ATAD3A: variants seen among roughly 807,000 people sequenced by gnomAD.
The protein encoded by ATAD3A is ATPase family AAA domain-containing protein 3A.
In ATAD3A, 46 loss-of-function variants were observed where a neutral mutation model predicts 73.8. The observed-to-expected ratio is 0.62, with a 90% CI of 0.49 to 0.80. ATAD3A has a LOEUF of 0.80. ATAD3A is among the 30% of genes least tolerant of loss of function. The pLI is 0.00. For synonymous variants in ATAD3A, 319 were observed against 350.0 expected (o/e 0.91, Z 0.99); for missense variants, 705 against 838.0 (o/e 0.84, Z 1.96).
Position 1,523,146 on chromosome 1 carries a change from G to C in ATAD3A, c.906+247G>C, listed in dbSNP as rs562374256. On this transcript the variant is annotated intron_variant, in intron 8 of 15. Coordinates refer to ENST00000378756, the MANE Select transcript of ATAD3A (RefSeq NM_001170535.3). The surrounding 1 kb of genome is among the most constrained non-coding windows in gnomAD (Gnocchi z 5.1). ...TCTTGATGGGGCCTGGGAGCACATC[G>C]GGGTCCTTGCAAGACCCGGGACTTG... Among the ~76,000 whole-genome samples, 1 of 152,042 alleles carries C rather than the reference G, an allele frequency of 6.6e-6. No individual in the cohort carries two copies. The highest frequency in any genetic ancestry group is 1.9e-4 in the East Asian group (1 of 5,162).
chr1:1,520,489 C>T lies in ATAD3A; in HGVS notation c.681-59C>T. 1 of 1,613,804 alleles carries T rather than the reference C, an allele frequency of 6.2e-7. No homozygotes were observed. The highest frequency in any genetic ancestry group is 1.7e-5 in the Admixed American group (1 of 60,022). On this transcript the variant is annotated intron_variant, in intron 6 of 15. Transcript: ENST00000378756. The surrounding 1 kb of genome is among the most constrained non-coding windows in gnomAD (Gnocchi z 4.0). ...GTCAGGGCCTCACCCTCAACCTGCT[C>T]TCGCTGCGTGGCACGGATCTTCGTG...
Position 1,523,085 on chromosome 1 carries a change from C to G in ATAD3A, c.906+186C>G, listed in dbSNP as rs1641663062. On this transcript the variant is annotated intron_variant, in intron 8 of 15. Coordinates refer to ENST00000378756, the MANE Select transcript of ATAD3A (RefSeq NM_001170535.3). The surrounding 1 kb of genome is among the most constrained non-coding windows in gnomAD (Gnocchi z 5.1). ...CTTAGGGGTCTGCATCAGTGAGACC[C>G]TTCCCCTGTCTGCCTCGGTGTCCCC... Among the ~76,000 whole-genome samples the G allele has an allele frequency of 1.3e-5, 2 of 151,964 alleles. No homozygotes were observed. Among genetic ancestry groups the G allele is most frequent in the Admixed American group, 6.5e-5 (1 of 15,276 alleles).
intron 15 of ATAD3A, among the ~76,000 whole-genome samples, chr1:1,533,039 G>A (rs1414605488): frequency 1.3e-5 from 2 of 152,236 alleles, no homozygotes; most frequent in Admixed American, 6.5e-5. Context: ...CGGGCACCAC[G>A]TGGTCATCCC....
chr1:1,522,761 G>A lies in ATAD3A; in HGVS notation c.768G>A (p.Leu256=). 1 of 1,612,038 alleles carries A rather than the reference G, an allele frequency of 6.2e-7. No homozygotes were observed. Residue 256 remains leucine, a synonymous_variant, in exon 8 of 16, where the codon CTG becomes CTA. Transcript: ENST00000378756. ...KVTATVAGLT[L]LAVGVYSAKN... ...TGCTGCAGGTGGCTGGGCTGACGCT[G>A]CTGGCTGTTGGGGTCTACTCAGCCA... is the stretch of plus-strand genomic sequence containing the variant.
rs1371608734 is a variant in ATAD3A, at chr1:1,512,361, C to T, written c.93C>T (p.Gly31=). Residue 31 remains glycine (G), a synonymous_variant, in exon 1 of 16, where the codon GGC becomes GGT. Transcript: ENST00000378756. ...CGCCCGCGCAGCCCGGGGCCGAGGG[C>T]GGCGGGGACCGCGGGTTGGGAGACC... ...PLPPAQPGAE[G]GGDRGLGDRP... is the part of the protein sequence containing the mutation. 2 of 1,242,012 alleles carry T rather than the reference C, an allele frequency of 1.6e-6. No homozygotes were observed. The highest frequency in any genetic ancestry group is 2.0e-6 in the Non-Finnish European group (2 of 988,680). The allele number at this position is 1,242,012 out of a possible 1,614,324, so 76.9% of individuals were successfully genotyped here.
At chr1:1,518,411 A>C in intron 4 of ATAD3A, among the ~76,000 whole-genome samples, 2 of 119,636 alleles carry the variant, frequency 1.7e-5, no homozygotes, top group African/African-American at 3.2e-5. Context: ...ATGCCCCCCC[A>C]TAGACGGACA....
At chr1:1,518,306 G>A (rs1641442411) in intron 4 of ATAD3A, among the ~76,000 whole-genome samples, 1 of 80,732 alleles carries the variant, frequency 1.2e-5, no homozygotes, top group South Asian at 4.3e-4. Context: ...ACACACACAG[G>A]CGCACACATA....
At chr1:1,524,739 G>C (rs1641740704) in intron 11 of ATAD3A, among the ~76,000 whole-genome samples, 1 of 142,318 alleles carries the variant, frequency 7.0e-6, no homozygotes, top group Non-Finnish European at 1.5e-5. Flanking sequence ...CGTGGGCACT[G>C]GTTGCCTTTT....
chr1:1,530,798 C>G (rs1462606420), intron 15 of ATAD3A, among the ~76,000 whole-genome samples: 26 of 87,136 alleles, frequency 3.0e-4, no homozygotes, highest in Admixed American at 3.1e-4. Context: ...CACTGCACTC[C>G]AGCCTGGGCG....
chr1:1,525,036 G>T (rs3737712), intron 11 of ATAD3A, among the ~76,000 whole-genome samples: 2,462 of 152,296 alleles, frequency 0.016, 106 homozygotes, highest in Admixed American at 0.089. Flanking sequence ...GGTTTCCCAC[G>T]GCCTTCTGAG....
chr1:1,533,095 G>A (rs6677993), intron 15 of ATAD3A, among the ~76,000 whole-genome samples: 33,512 of 152,064 alleles, frequency 0.22, 8,173 homozygotes, highest in African/African-American at 0.59. Flanking sequence ...AGGATGGTGT[G>A]CTGCTGCCCC....
Position 1,523,729 on chromosome 1 carries a change from G to T in ATAD3A, c.964-110G>T. On this transcript the variant is annotated intron_variant, in intron 9 of 15. Coordinates refer to ENST00000378756, the MANE Select transcript of ATAD3A (RefSeq NM_001170535.3). The surrounding 1 kb of genome is among the most constrained non-coding windows in gnomAD (Gnocchi z 5.1). ...GGGATAGATAGGCTGCCCCTGAGGT[G>T]GGAGGCTTCCCGAGGAGCCGAGTCT... 6.3e-7 allele frequency: 1 copy of T among 1,590,028 alleles called. No individual in the cohort carries two copies. Among genetic ancestry groups the T allele is most frequent in the Non-Finnish European group, 8.6e-7 (1 of 1,166,618 alleles).
Position 1,520,722 on chromosome 1 carries a change from G to C in ATAD3A, c.750+105G>C. On this transcript the variant is annotated intron_variant, in intron 7 of 15. Transcript: ENST00000378756. This position sits in a 1 kb window ranked among gnomAD's most constrained non-coding sequence, Gnocchi z 4.0. ...CCTGCCGGCTCTGCACAGCCCTGTA[G>C]CTCTCCCAGCAGGGAGGAAGCCCAC... 6.4e-7 allele frequency: 1 copy of C among 1,555,324 alleles called. No homozygotes were observed. Among genetic ancestry groups the C allele is most frequent in the South Asian group, 1.1e-5 (1 of 87,844 alleles).
In ATAD3A at chr1:1,534,608, C is replaced by T. The variant is rs573511739; in HGVS notation, c.*536C>T. Reference sequence around the variant, plus strand: ...GGAACCTGGCGGGGGTGTCTGAGGCCGCACTGTCAGCTGGCCGGTCCAAGC... The same window carrying T: ...GGAACCTGGCGGGGGTGTCTGAGGCTGCACTGTCAGCTGGCCGGTCCAAGC... On this transcript the variant is annotated 3_prime_UTR_variant, in exon 16 of 16. Transcript: ENST00000378756. The T allele has an allele frequency of 3.1e-5, 6 of 194,454 alleles. No homozygotes were observed. Among genetic ancestry groups the T allele is most frequent in the East Asian group, 1.5e-4 (1 of 6,722 alleles). 12.0% of individuals were successfully genotyped at this position (194,454 alleles called of 1,614,324 possible).
intron 12 of ATAD3A, 66 bp downstream of exon 12, chr1:1,525,357 A>T (rs1160650181): frequency 3.8e-6 from 6 of 1,586,634 alleles, no homozygotes; most frequent in Non-Finnish European, 5.2e-6. Flanking sequence ...TGCCTGGGCC[A>T]GGCTGCAGCC....
In ATAD3A at chr1:1,523,637, T is replaced by C. The variant is rs1641689652; in HGVS notation, c.963+70T>C. On this transcript the variant is annotated intron_variant, in intron 9 of 15. Coordinates refer to ENST00000378756, the MANE Select transcript of ATAD3A (RefSeq NM_001170535.3). This position sits in a 1 kb window ranked among gnomAD's most constrained non-coding sequence, Gnocchi z 5.1. ...CTGGAGCTGGGCCGGGCTGTGGCCC[T>C]TGCTGGCGCTCGTGGTGGCACCCAG... The C allele has an allele frequency of 6.2e-7, 1 of 1,606,650 alleles. No homozygotes were observed. The highest frequency in any genetic ancestry group is 1.3e-5 in the African/African-American group (1 of 74,780).
chr1:1,522,778 A>T lies in ATAD3A; in HGVS notation c.785A>T (p.Tyr262Phe), dbSNP rs942816351. 13 of 1,611,202 alleles carry T rather than the reference A, an allele frequency of 8.1e-6. No individual in the cohort carries two copies. The highest frequency in any genetic ancestry group is 1.0e-5 in the Non-Finnish European group (12 of 1,179,716). ...AGLTLLAVGV[Y>F]SAKNATLVAG... ...CTGACGCTGCTGGCTGTTGGGGTCT[A>T]CTCAGCCAAGAATGCCACGCTTGTC... Residue 262 changes from tyrosine to phenylalanine, a missense_variant, in exon 8 of 16, where the codon TAC becomes TTC. Physicochemically the swap from Tyr to Phe is conservative, Grantham distance 22. Transcript: ENST00000378756.
rs1456866524 is a variant in ATAD3A at position 1,527,680 on chromosome 1, A to G, written c.1338-15A>G. On this transcript the variant is annotated splice_polypyrimidine_tract_variant and intron_variant, in intron 13 of 15. Transcript: ENST00000378756. ...CGGCAGCCCCAGCATCCTCATCCTC[A>G]TCCCCGCCCCGCAGGTTCATGCTGG... 1 of 1,600,386 alleles carries G rather than the reference A, an allele frequency of 6.2e-7. No homozygotes were observed. Among genetic ancestry groups the G allele is most frequent in the South Asian group, 1.1e-5 (1 of 89,966 alleles).
rs1421836106 is a variant in ATAD3A at position 1,524,314 on chromosome 1, A to C, written c.1131A>C (p.Thr377=). The part of the protein sequence containing the change: ...LHSGMDYAIM[T]GGDVAPMGRE... Reference sequence around the variant, plus strand: ...CAGGCATGGACTACGCCATCATGACAGGCGGGGACGTGGCCCCCATGGGGC... The same window carrying C: ...CAGGCATGGACTACGCCATCATGACCGGCGGGGACGTGGCCCCCATGGGGC... Residue 377 remains threonine (T), a synonymous_variant, in exon 11 of 16, where the codon ACA becomes ACC. Transcript: ENST00000378756. 6.2e-7 allele frequency: 1 copy of C among 1,613,498 alleles called. No homozygotes were observed.
Sources: gnomAD v4.1 joint callset for allele counts (sites outside exome capture counted in the v4.1 genomes callset) on GRCh38, gnomAD v4.1.1 for gene constraint, Gnocchi (gnomAD v3.1) non-coding constraint, MANE v1.5 for transcripts, NCBI Gene and HGNC (gene_info 2026-07-23, HGNC 2026-07-21) for gene names.